ARHGAP42: variants seen among roughly 807,000 people sequenced by gnomAD.
ARHGAP42 encodes the protein Rho GTPase activating protein 42.
ARHGAP42 carries 63 observed loss-of-function variants against 125.0 expected under a neutral mutation model. The ratio of observed to expected loss-of-function variants is 0.50; its 90% CI spans 0.41 to 0.62. The LOEUF is 0.62. ARHGAP42 is among the 20% of genes least tolerant of loss of function. The pLI, the probability that ARHGAP42 is intolerant of heterozygous loss-of-function variation, is 0.00. For synonymous variants in ARHGAP42, 339 were observed against 351.0 expected (o/e 0.97, Z 0.38); for missense variants, 766 against 1,024.2 (o/e 0.75, Z 3.44).
chr11:100,859,298 G>T (rs1488732141), intron 3 of ARHGAP42: 1 of 352,510 alleles, frequency 2.8e-6, no homozygotes, highest in African/African-American at 2.1e-5. Flanking sequence ...AGAAATTTAA[G>T]TATTCAAACT....
chr11:100,864,805 A>G (rs966166252), intron 4 of ARHGAP42, among the ~76,000 whole-genome samples: 17 of 152,194 alleles, frequency 1.1e-4, no homozygotes, highest in African/African-American at 3.9e-4. Flanking sequence ...AATGTTTCAA[A>G]TATGCCCAAA....
chr11:100,855,214 T>G (rs1865297230), intron 3 of ARHGAP42, among the ~76,000 whole-genome samples: 2 of 152,162 alleles, frequency 1.3e-5, no homozygotes, highest in South Asian at 4.1e-4. Flanking sequence ...GCATCAAAAC[T>G]GAGTGTTTTA....
At chr11:100,864,289 A>G (rs1266031699) in intron 4 of ARHGAP42, among the ~76,000 whole-genome samples, 1 of 151,064 alleles carries the variant, frequency 6.6e-6, no homozygotes, top group East Asian at 2.0e-4. Context: ...GCTTCATGTG[A>G]TTCTCCTGCT....
At chr11:100,906,081 A>G (rs765333823) in intron 4 of ARHGAP42, among the ~76,000 whole-genome samples, 9 of 152,138 alleles carry the variant, frequency 5.9e-5, no homozygotes, top group Non-Finnish European at 1.0e-4. Context: ...TTGTCCATCT[A>G]ATTTTCTGGA....
At chr11:100,883,741 GA>G (rs1393294365) in intron 4 of ARHGAP42, among the ~76,000 whole-genome samples, 1 of 152,068 alleles carries the variant, frequency 6.6e-6, no homozygotes, top group East Asian at 1.9e-4. Context: ...CTTTTTTGGA[GA>G]ACTTTATAGA....
In ARHGAP42 at chr11:100,741,291, A is replaced by G. The variant is rs1047841277; in HGVS notation, c.155-29052A>G. On this transcript the variant is annotated intron_variant, in intron 1 of 23. Transcript: ENST00000298815. ...AGTGATCCACCCACCTCGGCTTCCC[A>G]AAGTGCTGGGATTACAGGCGTGAGC... Among the ~76,000 whole-genome samples the G allele has an allele frequency of 3.8e-4, 58 of 152,256 alleles. 1 individual carries two copies. The highest frequency in any genetic ancestry group is 1.3e-3 in the African/African-American group (52 of 41,554).
chr11:100,771,968 C>T (rs189522824), intron 2 of ARHGAP42, among the ~76,000 whole-genome samples: 1 of 152,140 alleles, frequency 6.6e-6, no homozygotes, highest in Non-Finnish European at 1.5e-5. Flanking sequence ...AAAGTAATGT[C>T]CACACTGCTA....
chr11:100,833,426 A>G (rs1864707674), intron 3 of ARHGAP42, among the ~76,000 whole-genome samples: 1 of 152,178 alleles, frequency 6.6e-6, no homozygotes, highest in African/African-American at 2.4e-5. Flanking sequence ...TTACTCATGA[A>G]TCTGCAGTTT....
At chr11:100,872,098 A>G (rs1865710885) in intron 4 of ARHGAP42, among the ~76,000 whole-genome samples, 1 of 152,174 alleles carries the variant, frequency 6.6e-6, no homozygotes, top group Admixed American at 6.5e-5. Flanking sequence ...CTTGTTCTCT[A>G]TAGACGGCTC....
chr11:100,789,799 C>A (rs945943858), intron 2 of ARHGAP42, among the ~76,000 whole-genome samples: 1 of 152,160 alleles, frequency 6.6e-6, no homozygotes, highest in African/African-American at 2.4e-5. Flanking sequence ...ATATAGCATG[C>A]TGTTGACATT....
At chr11:100,836,499 G>C (rs909091665) in intron 3 of ARHGAP42, among the ~76,000 whole-genome samples, 1 of 152,032 alleles carries the variant, frequency 6.6e-6, no homozygotes, top group African/African-American at 2.4e-5. Flanking sequence ...GAAATATGAA[G>C]TGTAGTTGGA....
Position 100,768,413 on chromosome 11 carries a change from G to T in ARHGAP42, c.155-1930G>T, listed in dbSNP as rs1469098202. On this transcript the variant is annotated intron_variant, in intron 1 of 23. Transcript: ENST00000298815. ...AGGGGATTCTTTCTAGACTGACTTA[G>T]TAGAATCCTTGCTAAAACTAGGCTC... Among the ~76,000 whole-genome samples the T allele has an allele frequency of 2.6e-5, 4 of 152,272 alleles. No homozygotes were observed. In the East Asian group the frequency reaches 7.7e-4, roughly 29 times the overall value.
chr11:100,946,073 A>C (rs973291976), intron 10 of ARHGAP42, among the ~76,000 whole-genome samples: 1 of 151,830 alleles, frequency 6.6e-6, no homozygotes, highest in Non-Finnish European at 1.5e-5. Flanking sequence ...TTCTACATCA[A>C]CTCTTACTGC....
chr11:100,751,279 G>GTTTTTTTTTTTTTTTTTTTTT (rs71465331), intron 1 of ARHGAP42, among the ~76,000 whole-genome samples: 1 of 93,480 alleles, frequency 1.1e-5, no homozygotes, highest in African/African-American at 5.0e-5. Flanking sequence ...GTGTGTGTGT[G>GTTTTTTTTTTTTTTTTTTTTT]TTTTTTTTTT....
chr11:100,832,778 C>T (rs1864692572), intron 3 of ARHGAP42, among the ~76,000 whole-genome samples: 1 of 152,212 alleles, frequency 6.6e-6, no homozygotes, highest in African/African-American at 2.4e-5. Context: ...CCCTCTTGGG[C>T]ACTGCATAGT....
chr11:100,851,303 T>C (rs555281152), intron 3 of ARHGAP42, among the ~76,000 whole-genome samples: 56 of 152,322 alleles, frequency 3.7e-4, no homozygotes, highest in African/African-American at 1.3e-3. Flanking sequence ...GCAACAGCAT[T>C]CATGGTGCAT....
Position 100,792,968 on chromosome 11 carries a change from A to T in ARHGAP42, c.251-2137A>T, listed in dbSNP as rs191834184. On this transcript the variant is annotated intron_variant, in intron 2 of 23. Coordinates refer to ENST00000298815, the MANE Select transcript of ARHGAP42 (RefSeq NM_152432.4). The stretch of plus-strand genomic sequence containing the variant: ...GTGGGGTTTCATCGTGTTAGCCAGG[A>T]TGGTCTCCATCTCCTGACCTCGTGA... Among the ~76,000 whole-genome samples, 1,445 of 152,120 alleles carry T rather than the reference A, an allele frequency of 9.5e-3. 18 individuals are homozygous for T. The highest frequency in any genetic ancestry group is 0.033 in the African/African-American group (1,370 of 41,492).
chr11:100,830,449 G>C (rs954085081), intron 3 of ARHGAP42, among the ~76,000 whole-genome samples: 1 of 152,176 alleles, frequency 6.6e-6, no homozygotes, highest in African/African-American at 2.4e-5. Flanking sequence ...AGAACAGAAT[G>C]ATTGCTTCTG....
chr11:100,703,385 G>A (rs1861429256), intron 1 of ARHGAP42, among the ~76,000 whole-genome samples: 1 of 152,132 alleles, frequency 6.6e-6, no homozygotes, highest in South Asian at 2.1e-4. Flanking sequence ...TTATGAAGAT[G>A]TAGCATTTTT....
Sources: gnomAD v4.1 joint callset for allele counts (sites outside exome capture counted in the v4.1 genomes callset) on GRCh38, gnomAD v4.1.1 for gene constraint, MANE v1.5 for transcripts, NCBI Gene and HGNC (gene_info 2026-07-23, HGNC 2026-07-21) for gene names.